PPARGC1A: variants seen among roughly 807,000 people sequenced by gnomAD.
PPARGC1A encodes the protein PPARG coactivator 1 alpha, also known as peroxisome proliferator-activated receptor gamma coactivator 1-alpha.
In PPARGC1A, 25 loss-of-function variants were observed where a neutral mutation model predicts 88.7. The observed-to-expected ratio is 0.28, with a 90% confidence interval of 0.21 to 0.39. The LOEUF (loss-of-function observed/expected upper bound fraction) is 0.39. Among genes scored for constraint, PPARGC1A ranks in the 10% least tolerant of loss-of-function variants. PPARGC1A has a pLI of 1.00. For synonymous variants in PPARGC1A, 363 were observed against 355.6 expected, an observed-to-expected ratio of 1.02 and a Z score of -0.24; for missense variants, 880 against 968.7, an observed-to-expected ratio of 0.91 and a Z score of 1.22.
the PPARGC1A span, among the ~76,000 whole-genome samples, chr4:23,967,478 G>A: frequency 6.6e-6 from 1 of 152,124 alleles, no homozygotes; most frequent in Non-Finnish European, 1.5e-5. Context: ...CAGCTCCAGT[G>A]CTGATGGGAT....
At chr4:24,093,973 T>C in the PPARGC1A span, among the ~76,000 whole-genome samples, 4 of 146,258 alleles carry the variant, frequency 2.7e-5, no homozygotes, top group Non-Finnish European at 4.6e-5. Flanking sequence ...CCTAACTCCC[T>C]TAAAATCCAG....
At chr4:23,899,425 A>T (rs1436959600), upstream of PPARGC1A, 1 of 152,192 alleles carries the variant, frequency 6.6e-6, no homozygotes, top group Non-Finnish European at 1.5e-5. Context: ...CAGCTTTGTT[A>T]TTTTGTTTTA....
At chr4:24,049,517 A>T in the PPARGC1A span, among the ~76,000 whole-genome samples, 1 of 151,942 alleles carries the variant, frequency 6.6e-6, no homozygotes. Flanking sequence ...AGTGAATCTT[A>T]AAGGGCATGG....
the PPARGC1A span, among the ~76,000 whole-genome samples, chr4:24,410,071 G>T: frequency 1.4e-4 from 22 of 152,298 alleles, no homozygotes; most frequent in Middle Eastern, 3.4e-3. Flanking sequence ...TCTATGTAGT[G>T]AGTTTGGAAA....
chr4:23,810,039 C>T (rs1218245237), intron 10 of PPARGC1A, among the ~76,000 whole-genome samples: 1 of 152,158 alleles, frequency 6.6e-6, no homozygotes, highest in Admixed American at 6.5e-5. Flanking sequence ...GATGTCTTTC[C>T]TAATTTTATA....
the PPARGC1A span, among the ~76,000 whole-genome samples, chr4:24,027,139 G>C: frequency 1.3e-5 from 2 of 151,824 alleles, no homozygotes; most frequent in African/African-American, 4.8e-5. Flanking sequence ...AAGAACCAGA[G>C]CAGGGGAAAC....
chr4:24,341,664 G>T, the PPARGC1A span, among the ~76,000 whole-genome samples: 1 of 152,162 alleles, frequency 6.6e-6, no homozygotes, highest in African/African-American at 2.4e-5. Flanking sequence ...AGGATAAATG[G>T]AAGTTACTGT....
the PPARGC1A span, among the ~76,000 whole-genome samples, chr4:24,462,417 G>C: frequency 7.9e-5 from 12 of 151,938 alleles, no homozygotes; most frequent in Admixed American, 7.9e-4. Flanking sequence ...ATTTGTCCTT[G>C]ATGCTCCTCT....
At chr4:23,884,556 A>G (rs1054194847) in intron 2 of PPARGC1A, 196 bp downstream of exon 2, 1 of 483,512 alleles carries the variant, frequency 2.1e-6, no homozygotes, top group Non-Finnish European at 3.5e-6. Flanking sequence ...TATTTTTTAA[A>G]TCTTTAAAAA....
chr4:24,329,281 CAA>C, the PPARGC1A span, among the ~76,000 whole-genome samples: 1 of 151,234 alleles, frequency 6.6e-6, no homozygotes, highest in African/African-American at 2.4e-5. Flanking sequence ...CCTCTTCAAG[CAA>C]AAAGACTTAG....
the PPARGC1A span, among the ~76,000 whole-genome samples, chr4:24,454,737 C>CAA: frequency 2.3e-3 from 324 of 141,782 alleles, 2 homozygotes; most frequent in African/African-American, 7.2e-3. Context: ...GACCTTGTCT[C>CAA]AAAAAAAAAA....
the PPARGC1A span, among the ~76,000 whole-genome samples, chr4:24,023,568 T>C: frequency 1.3e-5 from 2 of 152,194 alleles, no homozygotes. Context: ...ACAGAAAACA[T>C]ATACTCCTGG....
the PPARGC1A span, among the ~76,000 whole-genome samples, chr4:23,918,179 G>C: frequency 6.6e-6 from 1 of 152,050 alleles, no homozygotes; most frequent in South Asian, 2.1e-4. Flanking sequence ...ATAAGTGCTA[G>C]ATTTGGGGAG....
chr4:24,023,187 T>C, the PPARGC1A span, among the ~76,000 whole-genome samples: 1 of 152,194 alleles, frequency 6.6e-6, no homozygotes, highest in Non-Finnish European at 1.5e-5. Context: ...TTAAGAGTAC[T>C]GACAAATACT....
At chr4:24,441,516 G>C in the PPARGC1A span, among the ~76,000 whole-genome samples, 49 of 152,082 alleles carry the variant, frequency 3.2e-4, no homozygotes, top group Non-Finnish European at 5.7e-4. Flanking sequence ...GGTACCACCC[G>C]GAACAAAATT....
At chr4:24,054,308 T>TAAAAAAA in the PPARGC1A span, among the ~76,000 whole-genome samples, 1 of 134,898 alleles carries the variant, frequency 7.4e-6, no homozygotes, top group African/African-American at 2.8e-5. Context: ...ATCCTTCTTG[T>TAAAAAAA]AAAAAAAAAA....
chr4:24,184,407 G>T, the PPARGC1A span, among the ~76,000 whole-genome samples: 1 of 152,174 alleles, frequency 6.6e-6, no homozygotes, highest in South Asian at 2.1e-4. Context: ...TAATATTGAA[G>T]AGATGTTTAA....
chr4:23,962,163 G>C, the PPARGC1A span, among the ~76,000 whole-genome samples: 1 of 151,876 alleles, frequency 6.6e-6, no homozygotes, highest in Non-Finnish European at 1.5e-5. Flanking sequence ...GAAATAGCAA[G>C]GGGACAATTT....
the PPARGC1A span, among the ~76,000 whole-genome samples, chr4:24,384,676 G>A: frequency 8.6e-5 from 13 of 151,776 alleles, no homozygotes; most frequent in African/African-American, 3.1e-4. Context: ...AGGGATCAAT[G>A]CAACAAGAAG....
Sources: gnomAD v4.1 joint callset for allele counts (sites outside exome capture counted in the v4.1 genomes callset) on GRCh38, gnomAD v4.1.1 for gene constraint, MANE v1.5 for transcripts, NCBI Gene and HGNC (gene_info 2026-07-23, HGNC 2026-07-21) for gene names.